Variants in FLNC observed in about 807,000 individuals in gnomAD.
FLNC encodes the protein filamin C.
In FLNC, 91 loss-of-function variants were observed where a neutral mutation model predicts 254.3. The ratio of observed to expected loss-of-function variants is 0.36; its 90% CI spans 0.30 to 0.43. The LOEUF (loss-of-function observed/expected upper bound fraction) is 0.43, where lower values mean the gene tolerates loss of function less well. Among genes scored for constraint, FLNC ranks in the 20% least tolerant of loss-of-function variants. The pLI, the probability that FLNC is intolerant of heterozygous loss-of-function variation, is 1.00. For synonymous variants in FLNC, 1,430 were observed against 1,577.2 expected (o/e 0.91, Z 2.21); for missense variants, 2,853 against 3,802.6 (o/e 0.75, Z 6.57).
At chr7:128,846,676 C>G in intron 23 of FLNC, 69 bp from the exon 24 acceptor site, 3 of 1,515,836 alleles carry the variant, frequency 2.0e-6, no homozygotes, top group African/African-American at 2.7e-5. Context: ...TCCCTGTCCC[C>G]CCATTCAGCT....
chr7:128,852,546 C>A (rs762678356), intron 35 of FLNC, 45 bp from the exon 36 acceptor site: 8 of 1,610,172 alleles, frequency 5.0e-6, no homozygotes, highest in Non-Finnish European at 6.8e-6. Flanking sequence ...GAGGGCAGGG[C>A]CTGCCTGGAG....
chr7:128,838,561 G>C lies in FLNC; in HGVS notation c.1211-42G>C. On this transcript the variant is annotated intron_variant, in intron 7 of 47. Transcript: ENST00000325888. Reference sequence around the variant, plus strand: ...TCAGGGTGAGGGCACCGGGGCAGCTGTGTGTGTCCAGAGTGGTGCTGACAG... The same window carrying C: ...TCAGGGTGAGGGCACCGGGGCAGCTCTGTGTGTCCAGAGTGGTGCTGACAG... 2 of 1,610,906 alleles carry C rather than the reference G, an allele frequency of 1.2e-6. 1 individual carries two copies. The highest frequency in any genetic ancestry group is 2.2e-5 in the South Asian group (2 of 91,030).
intron 37 of FLNC, 194 bp downstream of exon 37, chr7:128,853,225 A>G: frequency 2.8e-6 from 2 of 719,974 alleles, no homozygotes; most frequent in Non-Finnish European, 4.8e-6. Context: ...CTTTTAAGAG[A>G]AAGCTCAGCT....
At position 128,840,048 on chromosome 7, in the gene FLNC, C is replaced by T. The variant is rs760412891; in HGVS notation, c.1437C>T (p.Ala479=). The T allele has an allele frequency of 2.7e-5, 44 of 1,613,916 alleles. No homozygotes were observed. Among genetic ancestry groups the T allele is most frequent in the Non-Finnish European group, 3.3e-5 (39 of 1,180,048 alleles). The change falls in exon 9 of 48, where the codon GCC becomes GCT. Residue 479 remains alanine, a synonymous_variant. Coordinates refer to ENST00000325888, the MANE Select transcript of FLNC (RefSeq NM_001458.5). The part of the protein sequence containing the change: ...SEACNPNACR[A]SGRGLQPKGV... Reference sequence around the variant, plus strand: ...CCTGTAACCCCAACGCCTGCCGCGCCTCTGGGCGAGGCCTGCAGCCCAAGG... The same window carrying T: ...CCTGTAACCCCAACGCCTGCCGCGCTTCTGGGCGAGGCCTGCAGCCCAAGG...
rs773023988 is a variant in FLNC, at chr7:128,838,273, G to A, written c.1054G>A (p.Val352Met). The A allele has an allele frequency of 5.6e-6, 9 of 1,613,778 alleles. No homozygotes were observed. The highest frequency in any genetic ancestry group is 2.2e-5 in the East Asian group (1 of 44,892). ...PKVAGLHKVT[V>M]LFAGQNIERS... ...TTTGACCTCTGACCCCTAGGTGACC[G>A]TGCTCTTTGCTGGCCAGAACATTGA... The change falls in exon 7 of 48, where the codon GTG (valine) becomes ATG (methionine). Residue 352 changes from valine (V) to methionine (M), a missense_variant. Physicochemically the swap from Val to Met is conservative, Grantham distance 21. Around this residue, in one of 10 missense-constraint regions of FLNC, gnomAD observed 1,573 missense variants for 1,883.5 expected, o/e 0.84. Coordinates refer to ENST00000325888, the MANE Select transcript of FLNC (RefSeq NM_001458.5).
In FLNC at chr7:128,844,847, G is replaced by A. The variant is rs145724410; in HGVS notation, c.3382G>A (p.Glu1128Lys). ...AVSYLPTEPGEYTINILFAEA... is the reference protein window; with the variant it reads ...AVSYLPTEPGKYTINILFAEA... ...CAGCTACCTGCCCACGGAGCCTGGCGAGTACACCATCAACATCCTGTTTGC... is the reference window on the plus strand; with the variant it reads ...CAGCTACCTGCCCACGGAGCCTGGCAAGTACACCATCAACATCCTGTTTGC... Residue 1128 changes from glutamate to lysine, a missense_variant, in exon 21 of 48, where the codon GAG (glutamate) becomes AAG (lysine). Around this residue, in one of 10 missense-constraint regions of FLNC, gnomAD observed 1,573 missense variants for 1,883.5 expected, o/e 0.84. Coordinates refer to ENST00000325888, the MANE Select transcript of FLNC (RefSeq NM_001458.5). 150 of 1,614,104 alleles carry A rather than the reference G, an allele frequency of 9.3e-5. No homozygotes were observed. The highest frequency in any genetic ancestry group is 1.2e-4 in the Non-Finnish European group (138 of 1,180,032).
At chr7:128,851,178 G>A (rs1808794302) in intron 33 of FLNC, 54 bp from the exon 34 acceptor site, 1 of 1,612,552 alleles carries the variant, frequency 6.2e-7, no homozygotes, top group Non-Finnish European at 8.5e-7. Context: ...GGGCCAAGGT[G>A]GGCTCAGATA....
rs768813870 is a variant in FLNC, at chr7:128,842,919, G to A, written c.2515G>A (p.Gly839Ser). 5 of 1,614,044 alleles carry A rather than the reference G, an allele frequency of 3.1e-6. 1 individual carries two copies. The South Asian group carries it at 3.3e-5, about 11-fold the overall frequency. The change falls in exon 16 of 48, where the codon GGC becomes AGC. Residue 839 changes from glycine (G) to serine (S), a missense_variant. By Grantham distance (56) the Gly-to-Ser change is moderately conservative (BLOSUM62 0). Coordinates refer to ENST00000325888, the MANE Select transcript of FLNC (RefSeq NM_001458.5). This position sits in a 1 kb window ranked among gnomAD's most constrained non-coding sequence, Gnocchi z 5.4. The stretch of plus-strand genomic sequence containing the variant: ...CGTCAAGTACACGCCACCAGGGGCG[G>A]GCCGCTACACCATCATGGTGCTGTT... ...FTVKYTPPGA[G>S]RYTIMVLFAN...
rs1471952322 is a variant in FLNC, at chr7:128,856,289, A to G, written c.7252-229A>G. Among the ~76,000 whole-genome samples the G allele has an allele frequency of 6.6e-5, 10 of 152,188 alleles. No individual in the cohort carries two copies. In the South Asian group the frequency reaches 2.1e-3, roughly 32 times the overall value. ...GCCAGGACAGGGCACATCGTCTGTC[A>G]TCTCCCACACACCAAGCACAGCTAG... is the stretch of plus-strand genomic sequence containing the variant. On this transcript the variant is annotated intron_variant, in intron 43 of 47. Transcript: ENST00000325888. This position sits in a 1 kb window ranked among gnomAD's most constrained non-coding sequence, Gnocchi z 5.9.
At chr7:128,847,325 A>G (rs903387804) in intron 24 of FLNC, among the ~76,000 whole-genome samples, 1 of 152,240 alleles carries the variant, frequency 6.6e-6, no homozygotes, top group East Asian at 1.9e-4. Context: ...CAAATATTGT[A>G]TGACTTGGGA....
Position 128,837,749 on chromosome 7 carries a change from C to T in FLNC, c.963C>T (p.Thr321=), listed in dbSNP as rs749769428. ...ACATCGAGGACCCTGAAGGCCACAC[C>T]GAGGAGGTATGCAGAGGCCGCTGGG... ...LVYIEDPEGH[T]EEAKVVPNND... The change falls in exon 5 of 48, where the codon ACC becomes ACT. Residue 321 remains threonine (T), a synonymous_variant. Coordinates refer to ENST00000325888, the MANE Select transcript of FLNC (RefSeq NM_001458.5). 29 of 1,577,316 alleles carry T rather than the reference C, an allele frequency of 1.8e-5. 1 individual carries two copies. The highest frequency in any genetic ancestry group is 7.1e-5 in the East Asian group (3 of 42,530).
In FLNC at chr7:128,841,530, G is replaced by A. The variant is rs766592492; in HGVS notation, c.2084G>A (p.Arg695His). 1.1e-5 allele frequency: 17 copies of A among 1,614,020 alleles called. 2 individuals are homozygous for A. In the South Asian group the frequency reaches 1.2e-4, roughly 11 times the overall value. Reference protein sequence around the residue: ...DKPAEFTIDARAAGKGDLKLY... With the variant: ...DKPAEFTIDAHAAGKGDLKLY... ...CCCGCTGAGTTCACCATTGATGCTC[G>A]TGCAGCTGGCAAGGGAGACCTGAAG... The change falls in exon 13 of 48, where the codon CGT becomes CAT. Residue 695 changes from arginine (R) to histidine (H), a missense_variant. Arg to His is a conservative substitution (Grantham distance 29, BLOSUM62 0). Coordinates refer to ENST00000325888, the MANE Select transcript of FLNC (RefSeq NM_001458.5). This position sits in a 1 kb window ranked among gnomAD's most constrained non-coding sequence, Gnocchi z 4.3.
Position 128,858,789 on chromosome 7 carries a change from G to A in FLNC, c.*266G>A. On this transcript the variant is annotated 3_prime_UTR_variant, in exon 48 of 48. Coordinates refer to ENST00000325888, the MANE Select transcript of FLNC (RefSeq NM_001458.5). The surrounding 1 kb of genome is among the most constrained non-coding windows in gnomAD (Gnocchi z 6.7). Reference sequence around the variant, plus strand: ...GGGCCAGGCTCAGGGGCAGAGGCTGGGACACAAGGGGCTGGCGAGGGCTGC... The same window carrying A: ...GGGCCAGGCTCAGGGGCAGAGGCTGAGACACAAGGGGCTGGCGAGGGCTGC... The A allele has an allele frequency of 1.8e-6, 1 of 541,128 alleles. No homozygotes were observed. The highest frequency in any genetic ancestry group is 1.9e-5 in the African/African-American group (1 of 52,712). The allele number at this position is 541,128 out of a possible 1,614,324, so 33.5% of individuals were successfully genotyped here.
intron 1 of FLNC, among the ~76,000 whole-genome samples, chr7:128,831,880 C>T (rs1807907503): frequency 6.6e-6 from 1 of 152,110 alleles, no homozygotes; most frequent in Non-Finnish European, 1.5e-5. Flanking sequence ...AGGAGGCTGT[C>T]CTGCCCTCAG....
chr7:128,853,595 T>C lies in FLNC; in HGVS notation c.6335T>C (p.Ile2112Thr). 1 of 1,614,026 alleles carries C rather than the reference T, an allele frequency of 6.2e-7. No individual in the cohort carries two copies. The highest frequency in any genetic ancestry group is 8.5e-7 in the Non-Finnish European group (1 of 1,180,012). ...PTEPGTYIIN[I>T]KFADKHVPGS... is the part of the protein sequence containing the mutation. ...GAGCCCGGCACCTACATCATCAACATCAAGTTTGCTGACAAGCACGTGCCT... is the reference window on the plus strand; with the variant it reads ...GAGCCCGGCACCTACATCATCAACACCAAGTTTGCTGACAAGCACGTGCCT... The change falls in exon 38 of 48, where the codon ATC becomes ACC. Residue 2112 changes from isoleucine (I) to threonine (T), a missense_variant. By Grantham distance (89) the Ile-to-Thr change is moderately conservative. Transcript: ENST00000325888.
At chr7:128,846,203 A>AGGTGGGCAGGGCCGGGCG (rs375019321) in intron 22 of FLNC, 40 bp downstream of exon 22, 1 of 1,613,332 alleles carries the variant, frequency 6.2e-7, no homozygotes, top group Admixed American at 1.7e-5. Flanking sequence ...AGGGCTGGGC[A>AGGTGGGCAGGGCCGGGCG]AGTGGGCAGG....
rs2128937048 is a variant in FLNC at position 128,846,857 on chromosome 7, C to T, written c.4240C>T (p.Pro1414Ser). ...SCTVEYIPFT[P>S]GDYDVNITFG... The stretch of plus-strand genomic sequence containing the variant: ...CACCGTGGAGTACATCCCCTTCACT[C>T]CTGGAGACTATGACGTCAACATCAC... Residue 1414 changes from proline to serine, a missense_variant, in exon 24 of 48, where the codon CCT becomes TCT. Physicochemically the swap from Pro to Ser is moderately conservative, Grantham distance 74 (BLOSUM62 -1). Around this residue, in one of 10 missense-constraint regions of FLNC, gnomAD observed 1,573 missense variants for 1,883.5 expected, o/e 0.84. Coordinates refer to ENST00000325888, the MANE Select transcript of FLNC (RefSeq NM_001458.5). 1.2e-6 allele frequency: 2 copies of T among 1,614,248 alleles called. No homozygotes were observed. Among genetic ancestry groups the T allele is most frequent in the Non-Finnish European group, 1.7e-6 (2 of 1,180,040 alleles).
chr7:128,856,023 C>G lies in FLNC; in HGVS notation c.7252-495C>G, dbSNP rs1025811846. 2.0e-5 allele frequency among the ~76,000 whole-genome samples: 3 copies of G among 152,222 alleles called. No individual in the cohort carries two copies. The highest frequency in any genetic ancestry group is 7.2e-5 in the African/African-American group (3 of 41,450). ...CCCATCCAGAGTCCTTGTGCATCTC[C>G]TCCTCCCACTCCTGAACTGGGCTCC... On this transcript the variant is annotated intron_variant, in intron 43 of 47. Coordinates refer to ENST00000325888, the MANE Select transcript of FLNC (RefSeq NM_001458.5). The surrounding 1 kb of genome is among the most constrained non-coding windows in gnomAD (Gnocchi z 5.9).
In FLNC at chr7:128,838,682, C is replaced by G; in HGVS notation, c.1290C>G (p.Asp430Glu). The G allele has an allele frequency of 5.0e-6, 8 of 1,613,030 alleles. No individual in the cohort carries two copies. The highest frequency in any genetic ancestry group is 6.8e-6 in the Non-Finnish European group (8 of 1,179,990). Reference sequence around the variant, plus strand: ...ACACAGTGGAGGTGGCCCTGGAGGACAAGGGTGACAGCACGTTCCGCTGCA... The same window carrying G: ...ACACAGTGGAGGTGGCCCTGGAGGAGAAGGGTGACAGCACGTTCCGCTGCA... ...RRDTVEVALE[D>E]KGDSTFRCTY... Residue 430 changes from aspartate (D) to glutamate (E), a missense_variant, in exon 8 of 48, where the codon GAC becomes GAG. Asp to Glu is a conservative substitution (Grantham distance 45, BLOSUM62 2). Transcript: ENST00000325888.
Sources: gnomAD v4.1 joint callset for allele counts (sites outside exome capture counted in the v4.1 genomes callset) on GRCh38, gnomAD v4.1.1 for gene constraint, gnomAD v4.1.1 regional missense constraint, Gnocchi (gnomAD v3.1) non-coding constraint, MANE v1.5 for transcripts, NCBI Gene and HGNC (gene_info 2026-07-23, HGNC 2026-07-21) for gene names.